The following FHIT variants were observed in gnomAD, a reference collection of about 807,000 sequenced individuals.
FHIT encodes fragile histidine triad diadenosine triphosphatase.
Under a neutral mutation model 17.9 loss-of-function variants are expected in FHIT, and 19 were observed. That is an observed-to-expected ratio of 1.06 (90% confidence interval 0.74 to 1.56). The LOEUF (loss-of-function observed/expected upper bound fraction) is 1.56, where lower values mean the gene tolerates loss of function less well. Ranked by LOEUF, FHIT falls within the 40% of genes most tolerant of loss-of-function variation. The pLI is 0.00. For synonymous variants in FHIT, 81 were observed against 69.7 expected, an observed-to-expected ratio of 1.16 and a Z score of -0.81; for missense variants, 248 against 189.2, an observed-to-expected ratio of 1.31 and a Z score of -1.82.
At chr3:60,332,341 G>T (rs974407119) in intron 5 of FHIT, among the ~76,000 whole-genome samples, 2 of 152,296 alleles carry the variant, frequency 1.3e-5, no homozygotes, top group East Asian at 3.9e-4. Context: ...TGAGCCTCTG[G>T]CCTGATCAAG....
At chr3:61,174,691 C>A (rs1048084431) in intron 2 of FHIT, among the ~76,000 whole-genome samples, 1 of 152,186 alleles carries the variant, frequency 6.6e-6, no homozygotes. Flanking sequence ...ATCTTTAAAT[C>A]TTTTCCACTT....
intron 5 of FHIT, among the ~76,000 whole-genome samples, chr3:60,317,564 CATT>C (rs942733032): frequency 1.4e-5 from 2 of 146,820 alleles, no homozygotes; most frequent in African/African-American, 2.5e-5. Context: ...ATACATATAT[CATT>C]ATATATAATT....
intron 2 of FHIT, among the ~76,000 whole-genome samples, chr3:61,159,843 A>T (rs1034284204): frequency 2.0e-5 from 3 of 152,188 alleles, no homozygotes; most frequent in Admixed American, 2.0e-4. Context: ...TTCTTAAGTC[A>T]GGCTCTTTGG....
At position 60,570,714 on chromosome 3, in the gene FHIT, C is replaced by T. The variant is rs1473184711; in HGVS notation, c.-17-33735G>A. 2.9e-5 allele frequency among the ~76,000 whole-genome samples: 3 copies of T among 104,384 alleles called. No homozygotes were observed. The Admixed American group carries it at 3.3e-4, about 12-fold the overall frequency. The allele number at this position is 104,384 out of a possible 152,430, so 68.5% of individuals were successfully genotyped here. On this transcript the variant is annotated intron_variant, in intron 4 of 9. Transcript: ENST00000492590. ...GGCAAGAGTTCTTTGAAGGCAGAAA[C>T]AATACTTAGTACATTAAAAAATTAA...
rs117735438 is a variant in FHIT, at chr3:60,724,938, C to G, written c.-18+96981G>C. 2.5e-4 allele frequency among the ~76,000 whole-genome samples: 38 copies of G among 152,208 alleles called. No individual in the cohort carries two copies. In the East Asian group the frequency reaches 6.8e-3, roughly 27 times the overall value. Reference sequence around the variant, plus strand: ...TGCTGGGATTACAGGCATGAGCCAACGCGCCCAAACTTATCTGTCTTTTTG... The same window carrying G: ...TGCTGGGATTACAGGCATGAGCCAAGGCGCCCAAACTTATCTGTCTTTTTG... On this transcript the variant is annotated intron_variant, in intron 4 of 9. Transcript: ENST00000492590.
At chr3:61,153,449 A>G (rs1002114483) in intron 2 of FHIT, among the ~76,000 whole-genome samples, 3 of 152,186 alleles carry the variant, frequency 2.0e-5, no homozygotes, top group African/African-American at 7.2e-5. Flanking sequence ...GACTGATGAT[A>G]GTGAACCCCC....
At chr3:60,127,794 G>A (rs1054810614) in intron 5 of FHIT, among the ~76,000 whole-genome samples, 4 of 151,940 alleles carry the variant, frequency 2.6e-5, no homozygotes, top group African/African-American at 9.7e-5. Flanking sequence ...ATCCATGGCA[G>A]CCAATATGTA....
chr3:60,955,617 T>TAC (rs1559862368), intron 3 of FHIT, among the ~76,000 whole-genome samples: 187 of 13,682 alleles, frequency 0.014, 2 homozygotes, highest in East Asian at 0.059. Flanking sequence ...TATATATATA[T>TAC]ATATATATAT....
chr3:60,045,458 C>T (rs1433740155), intron 5 of FHIT, among the ~76,000 whole-genome samples: 3 of 152,084 alleles, frequency 2.0e-5, no homozygotes, highest in African/African-American at 7.2e-5. Context: ...ACTCACCCAC[C>T]ATCATGAGAA....
At chr3:60,327,334 C>T (rs1227320146) in intron 5 of FHIT, among the ~76,000 whole-genome samples, 1 of 152,156 alleles carries the variant, frequency 6.6e-6, no homozygotes, top group South Asian at 2.1e-4. Flanking sequence ...GGTCTGTCAC[C>T]CTTTTCAGTA....
intron 5 of FHIT, among the ~76,000 whole-genome samples, chr3:60,494,605 C>T (rs1559491034): frequency 6.6e-6 from 1 of 152,150 alleles, no homozygotes; most frequent in Non-Finnish European, 1.5e-5. Flanking sequence ...ATACCCACAC[C>T]TCCCTGCCCA....
chr3:59,929,571 C>T (rs1466366470), intron 7 of FHIT, among the ~76,000 whole-genome samples: 1 of 151,826 alleles, frequency 6.6e-6, no homozygotes, highest in Non-Finnish European at 1.5e-5. Context: ...GACGGGGTTC[C>T]ACCATGTTGG....
chr3:60,506,591 T>C (rs550165937), intron 5 of FHIT, among the ~76,000 whole-genome samples: 6 of 152,336 alleles, frequency 3.9e-5, no homozygotes, highest in African/African-American at 1.4e-4. Context: ...GATGGTCATG[T>C]GATGTGCTTT....
rs1410804773 is a variant in FHIT, at chr3:60,390,420, AAAAAAAAAC to A, written c.103+146431_103+146439del. ...CTAAAAAAAAAAAAAAAAAAAAAAA[AAAAAAAAAC>A]CCGTACCCTCTAGTATTTATTACAA... On this transcript the variant is annotated intron_variant, in intron 5 of 9. Transcript: ENST00000492590. Among the ~76,000 whole-genome samples, 73 of 116,564 alleles carry A rather than the reference AAAAAAAAAC, an allele frequency of 6.3e-4. 8 individuals are homozygous for A. The highest frequency in any genetic ancestry group is 6.7e-4 in the African/African-American group (22 of 32,660). 76.5% of individuals were successfully genotyped at this position (116,564 alleles called of 152,430 possible). A position where few individuals can be genotyped will look rare whatever the true frequency, so the allele number is the denominator to read the frequency against.
intron 4 of FHIT, among the ~76,000 whole-genome samples, chr3:60,609,002 T>C (rs1282086956): frequency 6.7e-6 from 1 of 150,364 alleles, no homozygotes; most frequent in Non-Finnish European, 1.5e-5. Flanking sequence ...TGAATGCATA[T>C]GCTGGTCACG....
intron 4 of FHIT, among the ~76,000 whole-genome samples, chr3:60,650,934 C>CAGTATAGG (rs2039975255): frequency 6.6e-6 from 1 of 152,058 alleles, no homozygotes; most frequent in Non-Finnish European, 1.5e-5. Context: ...AGTATAGTTC[C>CAGTATAGG]TTCTAGGTTT....
At position 59,788,598 on chromosome 3, in the gene FHIT, C is replaced by T. The variant is rs9849125; in HGVS notation, c.349-36277G>A. Reference sequence around the variant, plus strand: ...TAGATTGGCCCTCTCCTATACAGTACTTCTCTGAATTGGTCCCTATTTATT... The same window carrying T: ...TAGATTGGCCCTCTCCTATACAGTATTTCTCTGAATTGGTCCCTATTTATT... On this transcript the variant is annotated intron_variant, in intron 8 of 9. Transcript: ENST00000492590. Among the ~76,000 whole-genome samples, 1,273 of 152,296 alleles carry T rather than the reference C, an allele frequency of 8.4e-3. 24 individuals carry two copies. The highest frequency in any genetic ancestry group is 0.029 in the African/African-American group (1,212 of 41,564).
At chr3:60,359,782 C>A (rs1010439762) in intron 5 of FHIT, among the ~76,000 whole-genome samples, 2 of 152,104 alleles carry the variant, frequency 1.3e-5, no homozygotes, top group Non-Finnish European at 2.9e-5. Context: ...CCACTGTCTT[C>A]CCTAAAAGCA....
At chr3:60,261,965 C>T (rs1706327784) in intron 5 of FHIT, among the ~76,000 whole-genome samples, 1 of 152,150 alleles carries the variant, frequency 6.6e-6, no homozygotes, top group Admixed American at 6.5e-5. Context: ...AGACCATAAC[C>T]TTTTATCCTC....
Sources: gnomAD v4.1 joint callset for allele counts (sites outside exome capture counted in the v4.1 genomes callset) on GRCh38, gnomAD v4.1.1 for gene constraint, MANE v1.5 for transcripts, NCBI Gene and HGNC (gene_info 2026-07-23, HGNC 2026-07-21) for gene names.